The following HCN4 variants were observed in gnomAD, a reference collection of about 807,000 sequenced individuals.
The protein encoded by HCN4 is potassium/sodium hyperpolarization-activated cyclic nucleotide-gated channel 4.
A neutral mutation model predicts 76.9 loss-of-function variants in HCN4; 29 were observed. The ratio of observed to expected loss-of-function variants is 0.38; its 90% CI spans 0.28 to 0.51. HCN4 has a LOEUF of 0.51. Ranked by LOEUF, HCN4 falls within the 20% of genes least tolerant of loss-of-function variation. The probability of loss-of-function intolerance (pLI) is 0.90; values close to 1 mark genes in which losing one functional copy is unlikely to be tolerated. For synonymous variants in HCN4, 772 were observed against 762.5 expected (o/e 1.01, Z -0.21); for missense variants, 1,416 against 1,715.2 (o/e 0.83, Z 3.08).
chr15:73,356,108 G>A (rs1422258165), intron 1 of HCN4, among the ~76,000 whole-genome samples: 1 of 152,144 alleles, frequency 6.6e-6, no homozygotes, highest in African/African-American at 2.4e-5. Flanking sequence ...GGAAGGCACT[G>A]CCAGCAGCGG....
intron 2 of HCN4, among the ~76,000 whole-genome samples, chr15:73,333,770 T>A (rs770484267): frequency 1.4e-4 from 21 of 152,308 alleles, no homozygotes; most frequent in Non-Finnish European, 1.9e-4. Context: ...ACTGTGGACA[T>A]GAAATTCCAC....
chr15:73,323,945 C>T lies in HCN4; in HGVS notation c.2148G>A (p.Lys716=), dbSNP rs376598019. ...CTTTGTGGAGGAGGATGGAGTTCTT[C>T]TTGCCTGGGCCACAGAACAAGAACA... ...VALDRLDRIG[K]KNSILLHKVQ... is the part of the protein sequence containing the mutation. The change falls in exon 8 of 8, where the codon AAG becomes AAA. Residue 716 remains lysine, a synonymous_variant. Coordinates refer to ENST00000261917, the MANE Select transcript of HCN4 (RefSeq NM_005477.3). 3 of 1,605,562 alleles carry T rather than the reference C, an allele frequency of 1.9e-6. No homozygotes were observed. The highest frequency in any genetic ancestry group is 1.7e-6 in the Non-Finnish European group (2 of 1,179,940).
At chr15:73,332,372 T>TCCAGG in intron 2 of HCN4, 80 bp from the exon 3 acceptor site, 1 of 1,424,532 alleles carries the variant, frequency 7.0e-7, no homozygotes, top group Non-Finnish European at 9.9e-7. Context: ...GCCCTGGAGC[T>TCCAGG]GCTGGTGGGC....
chr15:73,343,897 G>C lies in HCN4; in HGVS notation c.786-89C>G. 1 of 1,397,406 alleles carries C rather than the reference G, an allele frequency of 7.2e-7. No individual in the cohort carries two copies. The highest frequency in any genetic ancestry group is 1.0e-6 in the Non-Finnish European group (1 of 990,558). The allele number at this position is 1,397,406 out of a possible 1,614,324, so 86.6% of individuals were successfully genotyped here. On this transcript the variant is annotated intron_variant, in intron 1 of 7. Transcript: ENST00000261917. This position sits in a 1 kb window ranked among gnomAD's most constrained non-coding sequence, Gnocchi z 5.7. ...GGAAGATCTGAGGGACAGCATCTGGGACAGAGAAGTCTTGGGAGGTTCTGA... is the reference window on the plus strand; with the variant it reads ...GGAAGATCTGAGGGACAGCATCTGGCACAGAGAAGTCTTGGGAGGTTCTGA...
At chr15:73,337,660 G>C (rs975912410) in intron 2 of HCN4, among the ~76,000 whole-genome samples, 1 of 152,202 alleles carries the variant, frequency 6.6e-6, no homozygotes, top group African/African-American at 2.4e-5. Flanking sequence ...AGAGCATGTG[G>C]TAAGGTTTCA....
intron 1 of HCN4, among the ~76,000 whole-genome samples, chr15:73,345,591 C>G (rs1237402149): frequency 6.6e-6 from 1 of 152,134 alleles, no homozygotes; most frequent in Non-Finnish European, 1.5e-5. Flanking sequence ...ATGGGGTGCC[C>G]TAGAGCCGTG....
intron 1 of HCN4, among the ~76,000 whole-genome samples, chr15:73,360,291 C>T (rs572301516): frequency 6.6e-6 from 1 of 152,266 alleles, no homozygotes; most frequent in Non-Finnish European, 1.5e-5. Flanking sequence ...GCAGACAAGA[C>T]GTTACACAAC....
At chr15:73,340,076 C>T (rs2042991405) in intron 2 of HCN4, among the ~76,000 whole-genome samples, 1 of 152,178 alleles carries the variant, frequency 6.6e-6, no homozygotes, top group Non-Finnish European at 1.5e-5. Context: ...CCTCCTGGGG[C>T]CTCTGCCTCC....
chr15:73,335,064 C>T (rs576890969), intron 2 of HCN4, among the ~76,000 whole-genome samples: 1 of 152,296 alleles, frequency 6.6e-6, no homozygotes, highest in East Asian at 1.9e-4. Flanking sequence ...AAAAAAAGGC[C>T]TTACCAGAAG....
At chr15:73,352,608 C>A (rs1336690065) in intron 1 of HCN4, among the ~76,000 whole-genome samples, 1 of 152,168 alleles carries the variant, frequency 6.6e-6, no homozygotes, top group Non-Finnish European at 1.5e-5. Flanking sequence ...CCAACCAGGG[C>A]CCTGACTGTG....
chr15:73,360,990 G>A (rs1217072440), intron 1 of HCN4, among the ~76,000 whole-genome samples: 3 of 152,206 alleles, frequency 2.0e-5, no homozygotes, highest in Admixed American at 6.5e-5. Flanking sequence ...TCAGCTCCCC[G>A]CTGTGGAGTG....
chr15:73,341,807 G>A (rs1357282189), intron 2 of HCN4, among the ~76,000 whole-genome samples: 3 of 152,218 alleles, frequency 2.0e-5, no homozygotes, highest in South Asian at 2.1e-4. Flanking sequence ...ATGGAGGGAC[G>A]CTGCCAAACT....
chr15:73,322,930 G>T lies in HCN4; in HGVS notation c.3163C>A (p.Pro1055Thr). The change falls in exon 8 of 8, where the codon CCA becomes ACA. Residue 1055 changes from proline (P) to threonine (T), a missense_variant. Pro to Thr is a conservative substitution (Grantham distance 38). This residue lies in a region of HCN4 where 633 missense variants were observed against 579.8 expected (regional missense o/e 1.09). Coordinates refer to ENST00000261917, the MANE Select transcript of HCN4 (RefSeq NM_005477.3). The part of the protein sequence containing the change: ...ASGSHGSLLL[P>T]PASSPPPPQV... Reference sequence around the variant, plus strand: ...GGTGGTGGGGGGCTGGATGCAGGTGGCAGGAGCAAGGATCCGTGGGAGCCA... The same window carrying T: ...GGTGGTGGGGGGCTGGATGCAGGTGTCAGGAGCAAGGATCCGTGGGAGCCA... 1 of 1,408,792 alleles carries T rather than the reference G, an allele frequency of 7.1e-7. No individual in the cohort carries two copies. Among genetic ancestry groups the T allele is most frequent in the Non-Finnish European group, 9.4e-7 (1 of 1,068,036 alleles). The allele number at this position is 1,408,792 out of a possible 1,614,324, so 87.3% of individuals were successfully genotyped here.
chr15:73,367,692 G>C lies in HCN4; in HGVS notation c.579C>G (p.Gly193=), dbSNP rs771526379. The C allele has an allele frequency of 1.0e-5, 16 of 1,601,558 alleles. No individual in the cohort carries two copies. The highest frequency in any genetic ancestry group is 1.7e-4 in the Middle Eastern group (1 of 5,916). The change falls in exon 1 of 8, where the codon GGC becomes GGG. Residue 193 remains glycine, a synonymous_variant. Transcript: ENST00000261917. The surrounding 1 kb of genome is among the most constrained non-coding windows in gnomAD (Gnocchi z 7.5). ...SVDTAIKVEG[G]AAAGDQILPE... ...GGAGGATCTGGTCGCCGGCAGCCGC[G>C]CCTCCCTCCACTTTGATAGCGGTGT...
intron 6 of HCN4, 90 bp downstream of exon 6, chr15:73,324,864 AG>A: frequency 6.6e-7 from 1 of 1,518,226 alleles, no homozygotes; most frequent in Non-Finnish European, 9.0e-7. Context: ...GTGGCCAAGA[AG>A]GGTGCTCACT....
At chr15:73,354,707 T>G (rs907125323) in intron 1 of HCN4, among the ~76,000 whole-genome samples, 6 of 152,180 alleles carry the variant, frequency 3.9e-5, no homozygotes, top group African/African-American at 1.4e-4. Context: ...CCAAATGAGA[T>G]AATATTTACA....
chr15:73,352,041 T>C (rs1331160236), intron 1 of HCN4, among the ~76,000 whole-genome samples: 1 of 152,230 alleles, frequency 6.6e-6, no homozygotes, highest in African/African-American at 2.4e-5. Context: ...GGAAATCTGG[T>C]TAACTGCCCC....
chr15:73,332,355 T>C (rs1219544780), intron 2 of HCN4, 63 bp from the exon 3 acceptor site: 7 of 1,546,432 alleles, frequency 4.5e-6, no homozygotes, highest in South Asian at 1.1e-5. Context: ...CAGCGGCCAC[T>C]TTCCCTGCCC....
chr15:73,342,488 A>C (rs957820442), intron 2 of HCN4: 1 of 152,232 alleles, frequency 6.6e-6, no homozygotes, highest in Non-Finnish European at 1.5e-5. Context: ...TGAACCAATG[A>C]CTGACAGGTA....
Sources: gnomAD v4.1 joint callset for allele counts (sites outside exome capture counted in the v4.1 genomes callset) on GRCh38, gnomAD v4.1.1 for gene constraint, gnomAD v4.1.1 regional missense constraint, Gnocchi (gnomAD v3.1) non-coding constraint, MANE v1.5 for transcripts, NCBI Gene and HGNC (gene_info 2026-07-23, HGNC 2026-07-21) for gene names.